The following SP4 variants were observed in gnomAD, a reference collection of about 807,000 sequenced individuals.
SP4 encodes the protein transcription factor Sp4.
SP4 carries 19 observed loss-of-function variants against 72.8 expected under a neutral mutation model. That is an observed-to-expected ratio of 0.26 (90% confidence interval 0.18 to 0.38). The LOEUF (loss-of-function observed/expected upper bound fraction) is 0.38. SP4 is among the 10% of genes least tolerant of loss of function. SP4 has a pLI of 1.00. For missense variants in SP4, 1,008 were observed against 926.3 expected (o/e 1.09, Z -1.14); for synonymous variants, 395 against 333.1 (o/e 1.19, Z -2.02).
At chr7:21,506,209 G>T (rs1380653635) in intron 5 of SP4, among the ~76,000 whole-genome samples, 2 of 152,034 alleles carry the variant, frequency 1.3e-5, no homozygotes, top group African/African-American at 4.8e-5. Context: ...TTTTTCCTTA[G>T]AGAGTTCTGT....
chr7:21,451,077 G>A (rs1783580837), intron 3 of SP4, among the ~76,000 whole-genome samples: 1 of 152,168 alleles, frequency 6.6e-6, no homozygotes, highest in Non-Finnish European at 1.5e-5. Context: ...GATGTGCAGT[G>A]GCCTGCCAGC....
At chr7:21,449,728 G>GT (rs1427159837) in intron 3 of SP4, among the ~76,000 whole-genome samples, 1 of 152,160 alleles carries the variant, frequency 6.6e-6, no homozygotes, top group African/African-American at 2.4e-5. Context: ...AAGGCCCAGT[G>GT]TGAATATATG....
chr7:21,484,451 T>C (rs1784762670), intron 5 of SP4, among the ~76,000 whole-genome samples: 1 of 151,914 alleles, frequency 6.6e-6, no homozygotes, highest in African/African-American at 2.4e-5. Flanking sequence ...TAGATTTTTG[T>C]ATTAGGGATG....
At chr7:21,454,396 A>G (rs992432411) in intron 3 of SP4, among the ~76,000 whole-genome samples, 8 of 151,508 alleles carry the variant, frequency 5.3e-5, no homozygotes, top group Non-Finnish European at 1.2e-4. Context: ...TCTACAACAT[A>G]CTTGGACTCT....
rs1784721722 is a variant in SP4, at chr7:21,482,812, CTGTT to C, written c.2107+693_2107+696del. The C allele has an allele frequency of 7.5e-6, 7 of 936,708 alleles. No individual in the cohort carries two copies. The South Asian group carries it at 2.5e-4, about 33-fold the overall frequency. The allele number at this position is 936,708 out of a possible 1,614,324, so 58.0% of individuals were successfully genotyped here. A position where few individuals can be genotyped will look rare whatever the true frequency, so the allele number is the denominator to read the frequency against. On this transcript the variant is annotated intron_variant, in intron 5 of 5. Transcript: ENST00000222584. ...TTATAAATTTCACTTGTTTTGAGAT[CTGTT>C]TGTACATATATGTATATTTGCATAT... is the stretch of plus-strand genomic sequence containing the variant.
intron 3 of SP4, among the ~76,000 whole-genome samples, chr7:21,434,071 T>G (rs935901454): frequency 4.6e-5 from 7 of 152,212 alleles, no homozygotes; most frequent in Non-Finnish European, 7.4e-5. Context: ...AAAGTTCAGA[T>G]CTTTTACTTT....
intron 5 of SP4, among the ~76,000 whole-genome samples, chr7:21,489,821 GT>G (rs1435479445): frequency 6.6e-6 from 1 of 151,968 alleles, no homozygotes; most frequent in Non-Finnish European, 1.5e-5. Context: ...GCCTCCCAAA[GT>G]GCTGGGATTA....
At chr7:21,446,706 G>C (rs1166796462) in intron 3 of SP4, among the ~76,000 whole-genome samples, 1 of 152,140 alleles carries the variant, frequency 6.6e-6, no homozygotes, top group Non-Finnish European at 1.5e-5. Context: ...CTGAGCCAGT[G>C]GGAAAGCTCA....
At chr7:21,435,525 G>A (rs60411872) in intron 3 of SP4, among the ~76,000 whole-genome samples, 33,085 of 152,018 alleles carry the variant, frequency 0.22, 5,137 homozygotes, top group East Asian at 0.63. Context: ...GAGGTTTAAT[G>A]CAAATATGGC....
intron 4 of SP4, among the ~76,000 whole-genome samples, chr7:21,478,970 A>AG: frequency 6.6e-6 from 1 of 151,720 alleles, no homozygotes; most frequent in East Asian, 1.9e-4. Flanking sequence ...CGGGAGGCTG[A>AG]GGGAGGAGAA....
chr7:21,428,958 G>C (rs1782729454), intron 2 of SP4, 166 bp downstream of exon 2: 1 of 649,708 alleles, frequency 1.5e-6, no homozygotes, highest in Admixed American at 3.0e-5. Flanking sequence ...TCACCTCTTT[G>C]AGGGTATAAC....
At chr7:21,434,273 C>T (rs995075780) in intron 3 of SP4, among the ~76,000 whole-genome samples, 33 of 152,182 alleles carry the variant, frequency 2.2e-4, no homozygotes, top group African/African-American at 7.7e-4. Context: ...CCACTATTCT[C>T]ATTTTACTCT....
At chr7:21,454,165 G>A (rs189555696) in intron 3 of SP4, among the ~76,000 whole-genome samples, 4 of 152,300 alleles carry the variant, frequency 2.6e-5, no homozygotes, top group East Asian at 3.9e-4. Context: ...AGACAGAAGT[G>A]TAGATAAGGT....
chr7:21,465,344 C>G (rs535647968), intron 3 of SP4, among the ~76,000 whole-genome samples: 94 of 152,242 alleles, frequency 6.2e-4, no homozygotes, highest in African/African-American at 2.2e-3. Context: ...CAAATAATAT[C>G]CTAGTGCTTA....
At chr7:21,474,924 G>A (rs905724816) in intron 3 of SP4, among the ~76,000 whole-genome samples, 1 of 152,198 alleles carries the variant, frequency 6.6e-6, no homozygotes, top group African/African-American at 2.4e-5. Flanking sequence ...AGGATTAACG[G>A]TGCTGTGGAT....
chr7:21,429,467 C>A lies in SP4; in HGVS notation c.302C>A (p.Ala101Asp), dbSNP rs779184823. Residue 101 changes from alanine to aspartate, a missense_variant, in exon 3 of 6, where the codon GCT (alanine) becomes GAT (aspartate). Physicochemically the swap from Ala to Asp is moderately radical, Grantham distance 126. This residue lies in a region of SP4 where 893 missense variants were observed against 743.3 expected (regional missense o/e 1.20). Coordinates refer to ENST00000222584, the MANE Select transcript of SP4 (RefSeq NM_003112.5). ...ELVTTQLAGN[A>D]WQLVASTPPA... is the part of the protein sequence containing the mutation. ...GTAACAACGCAACTTGCTGGAAACG[C>A]TTGGCAACTTGTTGCCTCCACTCCT... 1 of 1,614,228 alleles carries A rather than the reference C, an allele frequency of 6.2e-7. No individual in the cohort carries two copies. Among genetic ancestry groups the A allele is most frequent in the South Asian group, 1.1e-5 (1 of 91,090 alleles).
At chr7:21,483,302 T>C (rs1784736829) in intron 5 of SP4, among the ~76,000 whole-genome samples, 1 of 151,952 alleles carries the variant, frequency 6.6e-6, no homozygotes, top group African/African-American at 2.4e-5. Context: ...ATGTTATACT[T>C]TTCCCTTTCA....
rs143907011 is a variant in SP4 at position 21,494,913 on chromosome 7, A to G, written c.2107+12790A>G. Among the ~76,000 whole-genome samples the G allele has an allele frequency of 6.4e-4, 97 of 152,304 alleles. 2 individuals are homozygous for G. The East Asian group carries it at 0.016, about 25-fold the overall frequency. On this transcript the variant is annotated intron_variant, in intron 5 of 5. Transcript: ENST00000222584. Reference sequence around the variant, plus strand: ...AATCAACACTGTGTAGTTTTGAAGGACACATGGATAAGTAAGACAGAATAT... The same window carrying G: ...AATCAACACTGTGTAGTTTTGAAGGGCACATGGATAAGTAAGACAGAATAT...
chr7:21,474,911 A>G (rs1227886457), intron 3 of SP4, among the ~76,000 whole-genome samples: 2 of 152,222 alleles, frequency 1.3e-5, no homozygotes, highest in African/African-American at 4.8e-5. Flanking sequence ...GGGTGCTACC[A>G]GAAGGATTAA....
Sources: gnomAD v4.1 joint callset for allele counts (sites outside exome capture counted in the v4.1 genomes callset) on GRCh38, gnomAD v4.1.1 for gene constraint, gnomAD v4.1.1 regional missense constraint, MANE v1.5 for transcripts, NCBI Gene and HGNC (gene_info 2026-07-23, HGNC 2026-07-21) for gene names.